ACSM5: variants seen among roughly 807,000 people sequenced by gnomAD.
ACSM5 encodes acyl-CoA synthetase medium chain family member 5.
In ACSM5, 56 loss-of-function variants were observed where a neutral mutation model predicts 71.6. That is an observed-to-expected ratio of 0.78 (90% confidence interval 0.63 to 0.98). The LOEUF (loss-of-function observed/expected upper bound fraction) is 0.98, where lower values mean the gene tolerates loss of function less well. Among genes scored for constraint, ACSM5 ranks in the 50% least tolerant of loss-of-function variants. The probability of loss-of-function intolerance (pLI) is 0.00; values close to 1 mark genes in which losing one functional copy is unlikely to be tolerated. For synonymous variants in ACSM5, 285 were observed against 281.5 expected, an observed-to-expected ratio of 1.01 and a Z score of -0.12; for missense variants, 723 against 726.0, an observed-to-expected ratio of 1.00 and a Z score of 0.05.
chr16:20,419,702 G>A, intron 4 of ACSM5: 2 of 500,044 alleles, frequency 4.0e-6, no homozygotes, highest in Non-Finnish European at 3.7e-6. Context: ...ACCATTCAGA[G>A]TACATGAAAT....
chr16:20,416,285 GA>G (rs564038496), intron 2 of ACSM5, among the ~76,000 whole-genome samples: 4,128 of 114,738 alleles, frequency 0.036, 61 homozygotes, highest in African/African-American at 0.057. Context: ...AAACAGCCTT[GA>G]AAAAAAAAAA....
chr16:20,430,035 G>A (rs1323696392), intron 8 of ACSM5, among the ~76,000 whole-genome samples: 1 of 152,072 alleles, frequency 6.6e-6, no homozygotes, highest in Non-Finnish European at 1.5e-5. Context: ...AGACTTTGGA[G>A]ACTCAGAAGG....
intron 3 of ACSM5, 31 bp from the exon 4 acceptor site, chr16:20,419,197 C>T (rs1966866366): frequency 6.2e-7 from 1 of 1,611,192 alleles, no homozygotes; most frequent in Non-Finnish European, 8.5e-7. Context: ...TCCCCGCTAT[C>T]CACTCAACAT....
intron 10 of ACSM5, among the ~76,000 whole-genome samples, chr16:20,433,569 CAAAAG>C (rs547629526): frequency 1.8e-3 from 270 of 151,504 alleles, no homozygotes; most frequent in African/African-American, 6.3e-3. Context: ...AGCAAAAAAA[CAAAAG>C]AAAAGGAGAA....
intron 2 of ACSM5, chr16:20,412,160 A>G (rs1378908006): frequency 1.9e-5 from 3 of 159,166 alleles, no homozygotes; most frequent in Non-Finnish European, 1.4e-5. Flanking sequence ...ACCCTCACCA[A>G]CATGGTGAAA....
chr16:20,419,388 G>A lies in ACSM5; in HGVS notation c.576G>A (p.Val192=). The part of the protein sequence containing the change: ...ECPSLQTKLL[V]SDSSRPGWLN... ...CCTCCCTCCAGACCAAGCTGCTGGT[G>A]TCAGACAGCAGTCGGCCAGGCTGGT... The change falls in exon 4 of 14, where the codon GTG becomes GTA. Residue 192 remains valine, a synonymous_variant. Transcript: ENST00000331849. The A allele has an allele frequency of 6.2e-7, 1 of 1,614,204 alleles. No individual in the cohort carries two copies. The highest frequency in any genetic ancestry group is 8.5e-7 in the Non-Finnish European group (1 of 1,180,034).
chr16:20,437,949 C>G (rs113356501), intron 12 of ACSM5, among the ~76,000 whole-genome samples: 1 of 151,784 alleles, frequency 6.6e-6, no homozygotes, highest in Non-Finnish European at 1.5e-5. Flanking sequence ...CAGCACCCCC[C>G]CCAGTAGCTG....
At chr16:20,431,954 A>ATAATAAT (rs1197146927) in intron 10 of ACSM5, among the ~76,000 whole-genome samples, 22 of 143,840 alleles carry the variant, frequency 1.5e-4, no homozygotes, top group African/African-American at 5.6e-4. Flanking sequence ...CAAAAAAAAA[A>ATAATAAT]AATAATAATA....
rs141553052 is a variant in ACSM5, at chr16:20,437,116, G to C, written c.1373G>C (p.Arg458Pro). Reference protein sequence around the residue: ...GDFYITGDRARMDKDGYFWFM... With the variant: ...GDFYITGDRAPMDKDGYFWFM... ...TTTTACATCACAGGGGACCGAGCTC[G>C]CATGGACAAGGATGGCTACTTTTGG... Residue 458 changes from arginine to proline, a missense_variant, in exon 11 of 14, where the codon CGC becomes CCC. By Grantham distance (103) the Arg-to-Pro change is moderately radical (BLOSUM62 -2). Coordinates refer to ENST00000331849, the MANE Select transcript of ACSM5 (RefSeq NM_017888.3). The C allele has an allele frequency of 3.1e-6, 5 of 1,614,182 alleles. No individual in the cohort carries two copies. The highest frequency in any genetic ancestry group is 2.7e-5 in the African/African-American group (2 of 75,032).
At chr16:20,419,662 T>C (rs1257846332) in intron 4 of ACSM5, 1 of 568,686 alleles carries the variant, frequency 1.8e-6, no homozygotes, top group African/African-American at 1.9e-5. Flanking sequence ...CTTCATTTGC[T>C]TCTATAATGC....
intron 9 of ACSM5, 34 bp downstream of exon 9, chr16:20,431,107 G>C: frequency 6.2e-7 from 1 of 1,607,054 alleles, no homozygotes; most frequent in Non-Finnish European, 8.5e-7. Flanking sequence ...GCAAGGCCTG[G>C]CATGGAGAGG....
rs368914750 is a variant in ACSM5, at chr16:20,441,289, C to A, written c.*862C>A. ...TTTCTGTATTTTCCAAGTTTTTGTA[C>A]GAAGCACATACAACTATTTTAATGA... On this transcript the variant is annotated 3_prime_UTR_variant, in exon 14 of 14. Coordinates refer to ENST00000331849, the MANE Select transcript of ACSM5 (RefSeq NM_017888.3). 1.3e-5 allele frequency: 2 copies of A among 152,030 alleles called. No homozygotes were observed. Among genetic ancestry groups the A allele is most frequent in the Non-Finnish European group, 2.9e-5 (2 of 68,016 alleles). The allele number at this position is 152,030 out of a possible 1,614,324, so 9.4% of individuals were successfully genotyped here.
At chr16:20,420,766 T>C (rs1966874933) in intron 4 of ACSM5, among the ~76,000 whole-genome samples, 1 of 152,182 alleles carries the variant, frequency 6.6e-6, no homozygotes, top group Non-Finnish European at 1.5e-5. Flanking sequence ...GACAAGTTTC[T>C]TCCAAAAATT....
chr16:20,430,802 A>G (rs1967080089), intron 8 of ACSM5, among the ~76,000 whole-genome samples, 191 bp from the exon 9 acceptor site: 1 of 141,270 alleles, frequency 7.1e-6, no homozygotes, highest in African/African-American at 2.6e-5. Context: ...AGCAAGGAAG[A>G]AAAAAGAAAA....
At chr16:20,437,691 A>G (rs1345325753) in intron 12 of ACSM5, among the ~76,000 whole-genome samples, 1 of 148,722 alleles carries the variant, frequency 6.7e-6, no homozygotes, top group Non-Finnish European at 1.5e-5. Flanking sequence ...CTATTTGCAG[A>G]TGAGGACATA....
chr16:20,423,906 T>A lies in ACSM5; in HGVS notation c.768-10T>A, dbSNP rs1176953042. The A allele has an allele frequency of 1.9e-6, 3 of 1,613,552 alleles. No homozygotes were observed. The African/African-American group carries it at 4.0e-5, about 22-fold the overall frequency. On this transcript the variant is annotated splice_polypyrimidine_tract_variant and intron_variant, in intron 5 of 13. Transcript: ENST00000331849. Reference sequence around the variant, plus strand: ...TGCCAAGGTTACTGACGTTCTCTAATTTTTGGCAGACGGTGGGTGGCCTTG... The same window carrying A: ...TGCCAAGGTTACTGACGTTCTCTAAATTTTGGCAGACGGTGGGTGGCCTTG...
chr16:20,425,054 T>C (rs920870601), intron 6 of ACSM5, among the ~76,000 whole-genome samples: 4 of 152,236 alleles, frequency 2.6e-5, no homozygotes, highest in Admixed American at 2.6e-4. Context: ...TTGACTATAG[T>C]CACCCTGATG....
At chr16:20,436,769 C>T (rs1260256152) in intron 10 of ACSM5, among the ~76,000 whole-genome samples, 1 of 152,142 alleles carries the variant, frequency 6.6e-6, no homozygotes, top group Non-Finnish European at 1.5e-5. Context: ...TGCCCACCCT[C>T]CTGCTTTCAA....
chr16:20,429,904 C>A, intron 8 of ACSM5, 103 bp downstream of exon 8: 9 of 1,411,512 alleles, frequency 6.4e-6, no homozygotes, highest in Non-Finnish European at 7.6e-6. Context: ...CCACCCTTCC[C>A]CCAGGGGAGA....
Sources: gnomAD v4.1 joint callset for allele counts (sites outside exome capture counted in the v4.1 genomes callset) on GRCh38, gnomAD v4.1.1 for gene constraint, MANE v1.5 for transcripts, NCBI Gene and HGNC (gene_info 2026-07-23, HGNC 2026-07-21) for gene names.